MROH2B: variants seen among roughly 807,000 people sequenced by gnomAD.
MROH2B encodes the protein maestro heat-like repeat-containing protein family member 2B.
A neutral mutation model predicts 208.6 loss-of-function variants in MROH2B; 177 were observed. The ratio of observed to expected loss-of-function variants is 0.85; its 90% CI spans 0.75 to 0.96. The LOEUF (loss-of-function observed/expected upper bound fraction) is 0.96. Among genes scored for constraint, MROH2B ranks in the 40% least tolerant of loss-of-function variants. MROH2B has a pLI of 0.00. For synonymous variants in MROH2B, 728 were observed against 659.0 expected, an observed-to-expected ratio of 1.10 and a Z score of -1.60; for missense variants, 2,002 against 1,878.7, an observed-to-expected ratio of 1.07 and a Z score of -1.21.
chr5:41,067,292 A>G (rs1168284692), intron 2 of MROH2B, 74 bp from the exon 3 acceptor site: 6 of 760,356 alleles, frequency 7.9e-6, no homozygotes, highest in Non-Finnish European at 1.4e-5. Flanking sequence ...CCTAATGAAT[A>G]ACACCATTAA....
rs2150183154 is a variant in MROH2B at position 41,065,317 on chromosome 5, T to C, written c.361+14A>G. On this transcript the variant is annotated intron_variant, in intron 4 of 41. Transcript: ENST00000399564. ...TCATTTCCCAGGGAAAATTGGAGAA[T>C]ATTCCCGCTATACCATAGCTGGTTG... 1.3e-6 allele frequency: 2 copies of C among 1,599,668 alleles called. No individual in the cohort carries two copies. The highest frequency in any genetic ancestry group is 2.3e-5 in the South Asian group (2 of 87,934).
At chr5:41,026,829 C>T (rs1016411394) in intron 24 of MROH2B, among the ~76,000 whole-genome samples, 1 of 152,090 alleles carries the variant, frequency 6.6e-6, no homozygotes, top group African/African-American at 2.4e-5. Context: ...GGTACTCATG[C>T]CAAAACAGAG....
intron 3 of MROH2B, 134 bp from the exon 4 acceptor site, chr5:41,065,624 G>A (rs1300012809): frequency 1.1e-5 from 8 of 734,190 alleles, no homozygotes; most frequent in Non-Finnish European, 1.5e-5. Context: ...GGGTACATGT[G>A]CAGGTTGGTC....
Position 41,004,344 on chromosome 5 carries a change from A to G in MROH2B, c.4194+2T>C. On this transcript the variant is annotated splice_donor_variant, in intron 37 of 41. Transcript: ENST00000399564. LOFTEE classifies it high-confidence loss of function. ...GGGAAGTTCCTAAACAGGCTCACTTACATCTTCAAAGAAGGTCCTTGTTTG... is the reference window on the plus strand; with the variant it reads ...GGGAAGTTCCTAAACAGGCTCACTTGCATCTTCAAAGAAGGTCCTTGTTTG... The G allele has an allele frequency of 1.2e-6, 2 of 1,612,466 alleles. No homozygotes were observed. The highest frequency in any genetic ancestry group is 1.7e-6 in the Non-Finnish European group (2 of 1,179,418).
At chr5:41,030,114 C>G (rs1010292108) in intron 24 of MROH2B, among the ~76,000 whole-genome samples, 1 of 151,588 alleles carries the variant, frequency 6.6e-6, no homozygotes, top group African/African-American at 2.4e-5. Flanking sequence ...AATTAAACAA[C>G]GAAACACCAA....
At chr5:41,054,881 G>T in intron 10 of MROH2B, 41 bp from the exon 11 acceptor site, 1 of 1,372,458 alleles carries the variant, frequency 7.3e-7, no homozygotes, top group Non-Finnish European at 1.0e-6. Flanking sequence ...TGACTCAATA[G>T]AAGTACAGTA....
At chr5:41,070,676 A>T (rs1437433957) in intron 1 of MROH2B, 149 bp downstream of exon 1, 1 of 664,772 alleles carries the variant, frequency 1.5e-6, no homozygotes, top group African/African-American at 1.8e-5. Flanking sequence ...TGATTTTATT[A>T]TGTATTTAGC....
At chr5:41,015,935 C>T (rs930937327) in intron 28 of MROH2B, among the ~76,000 whole-genome samples, 2 of 152,250 alleles carry the variant, frequency 1.3e-5, no homozygotes, top group African/African-American at 2.4e-5. Flanking sequence ...GAGAAGTTTA[C>T]ATCAGCAACT....
chr5:41,017,733 A>G (rs566850923), intron 28 of MROH2B, 117 bp downstream of exon 28: 1 of 1,155,430 alleles, frequency 8.7e-7, no homozygotes, highest in Admixed American at 3.2e-5. Context: ...AAAATGAGGA[A>G]AGAGGAGAGA....
At chr5:41,022,458 C>T (rs930255123) in intron 24 of MROH2B, among the ~76,000 whole-genome samples, 3 of 152,224 alleles carry the variant, frequency 2.0e-5, no homozygotes, top group Non-Finnish European at 2.9e-5. Context: ...ACTGCTAGCA[C>T]AGCAGTCTGA....
At chr5:41,044,399 A>T (rs757161257) in intron 18 of MROH2B, among the ~76,000 whole-genome samples, 3 of 152,192 alleles carry the variant, frequency 2.0e-5, no homozygotes, top group Non-Finnish European at 2.9e-5. Context: ...ATTTTAAACC[A>T]CTAGGGGTAG....
intron 28 of MROH2B, 23 bp from the exon 29 acceptor site, chr5:41,015,501 T>C (rs746577858): frequency 4.2e-5 from 68 of 1,608,376 alleles, no homozygotes; most frequent in Admixed American, 6.7e-5. Context: ...AAGTGAGAAA[T>C]GTTTAAGTGT....
At chr5:41,070,346 A>C (rs1057443966) in intron 1 of MROH2B, among the ~76,000 whole-genome samples, 1 of 152,190 alleles carries the variant, frequency 6.6e-6, no homozygotes, top group Non-Finnish European at 1.5e-5. Flanking sequence ...AAACTGGAAA[A>C]AAAATTGAGT....
At chr5:41,033,981 G>C in intron 21 of MROH2B, 117 bp from the exon 22 acceptor site, 1 of 1,337,816 alleles carries the variant, frequency 7.5e-7, no homozygotes, top group Non-Finnish European at 9.8e-7. Flanking sequence ...AGGAGGTAGA[G>C]CCTTGCCAAG....
rs554062600 is a variant in MROH2B at position 41,038,679 on chromosome 5, C to T, written c.2214+57G>A. 7 of 1,530,172 alleles carry T rather than the reference C, an allele frequency of 4.6e-6. No homozygotes were observed. In the African/African-American group the frequency reaches 8.3e-5, roughly 18 times the overall value. The allele number at this position is 1,530,172 out of a possible 1,614,324, so 94.8% of individuals were successfully genotyped here. A position where few individuals can be genotyped will look rare whatever the true frequency, so the allele number is the denominator to read the frequency against. ...AAAAAGCTTCCCAGGGACTGAGCCCCTGCAAGTTTTAGGAACCCCAGCCTA... is the reference window on the plus strand; with the variant it reads ...AAAAAGCTTCCCAGGGACTGAGCCCTTGCAAGTTTTAGGAACCCCAGCCTA... On this transcript the variant is annotated intron_variant, in intron 21 of 41. Coordinates refer to ENST00000399564, the MANE Select transcript of MROH2B (RefSeq NM_173489.5).
At chr5:41,000,416 A>T in intron 38 of MROH2B, 65 bp from the exon 39 acceptor site, 1 of 1,584,734 alleles carries the variant, frequency 6.3e-7, no homozygotes. Context: ...AAGGGAAAAA[A>T]TGCTGAATAG....
In MROH2B at chr5:41,064,461, G is replaced by A. The variant is rs1241800077; in HGVS notation, c.460+11C>T. 30 of 1,609,154 alleles carry A rather than the reference G, an allele frequency of 1.9e-5. No homozygotes were observed. Among genetic ancestry groups the A allele is most frequent in the Admixed American group, 3.3e-5 (2 of 59,734 alleles). ...GTTTTTAAGCAAAAAGGAAATCATC[G>A]GGATACCCACCAATACAGAAAGTCC... On this transcript the variant is annotated intron_variant, in intron 5 of 41. Coordinates refer to ENST00000399564, the MANE Select transcript of MROH2B (RefSeq NM_173489.5).
chr5:41,031,125 A>T (rs895216577), intron 24 of MROH2B, among the ~76,000 whole-genome samples: 1 of 152,136 alleles, frequency 6.6e-6, no homozygotes, highest in Non-Finnish European at 1.5e-5. Context: ...AATACCCGAG[A>T]CTAGGTAATT....
intron 33 of MROH2B, 29 bp downstream of exon 33, chr5:41,008,577 T>C: frequency 6.2e-7 from 1 of 1,609,740 alleles, no homozygotes; most frequent in Non-Finnish European, 8.5e-7. Flanking sequence ...AGGACCACTG[T>C]GGAAGATGCT....
Sources: gnomAD v4.1 joint callset for allele counts (sites outside exome capture counted in the v4.1 genomes callset) on GRCh38, gnomAD v4.1.1 for gene constraint, MANE v1.5 for transcripts, NCBI Gene and HGNC (gene_info 2026-07-23, HGNC 2026-07-21) for gene names.